TRAF1: variants seen among roughly 807,000 people sequenced by gnomAD.
TRAF1 encodes TNF receptor-associated factor 1.
In TRAF1, 23 loss-of-function variants were observed where a neutral mutation model predicts 40.9. That is an observed-to-expected ratio of 0.56 (90% CI 0.40 to 0.80). The LOEUF is 0.80. Ranked by LOEUF, TRAF1 falls within the 30% of genes least tolerant of loss-of-function variation. TRAF1 has a pLI of 0.00. For missense variants in TRAF1, 477 were observed against 528.7 expected (o/e 0.90, Z 0.96); for synonymous variants, 206 against 218.8 (o/e 0.94, Z 0.52).
chr9:120,913,672 C>A lies in TRAF1; in HGVS notation c.361G>T (p.Gly121Trp). 2 of 1,612,570 alleles carry A rather than the reference C, an allele frequency of 1.2e-6. 1 individual carries two copies. The highest frequency in any genetic ancestry group is 2.2e-5 in the South Asian group (2 of 90,960). Reference sequence around the variant, plus strand: ...CGGGCCTTCCACTGTTTCATGAACCCCAACAGCAGGTTTAGGTGGGAGGTC... The same window carrying A: ...CGGGCCTTCCACTGTTTCATGAACCACAACAGCAGGTTTAGGTGGGAGGTC... ...SQTSHLNLLL[G>W]FMKQWKARLG... The change falls in exon 5 of 8, where the codon GGG becomes TGG. Residue 121 changes from glycine (G) to tryptophan (W), a missense_variant. Coordinates refer to ENST00000373887, the MANE Select transcript of TRAF1 (RefSeq NM_005658.5).
chr9:120,909,475 A>T (rs1253987302), intron 6 of TRAF1, 97 bp from the exon 7 acceptor site: 2 of 1,444,668 alleles, frequency 1.4e-6, no homozygotes, highest in Non-Finnish European at 1.9e-6. Flanking sequence ...CAGCGGCTCA[A>T]AACCATGAAA....
chr9:120,909,596 C>T (rs937868080), intron 6 of TRAF1, among the ~76,000 whole-genome samples: 5 of 152,158 alleles, frequency 3.3e-5, no homozygotes, highest in Non-Finnish European at 4.4e-5. Context: ...CATACACTGC[C>T]GGGCCCCACC....
intron 5 of TRAF1, among the ~76,000 whole-genome samples, chr9:120,912,479 A>G (rs371638500): frequency 1.8e-4 from 27 of 152,068 alleles, no homozygotes; most frequent in African/African-American, 6.5e-4. Flanking sequence ...ACATGGTGAA[A>G]CCCCATCTCT....
At chr9:120,916,791 G>C (rs769347107) in intron 3 of TRAF1, among the ~76,000 whole-genome samples, 6 of 152,084 alleles carry the variant, frequency 3.9e-5, no homozygotes, top group Non-Finnish European at 8.8e-5. Context: ...CCTTGGCAGG[G>C]AGACCGTGCT....
chr9:120,924,626 G>A (rs1480726099), intron 2 of TRAF1, among the ~76,000 whole-genome samples: 1 of 152,154 alleles, frequency 6.6e-6, no homozygotes, highest in East Asian at 1.9e-4. Context: ...TGTTGGCCAG[G>A]CTGGTCTCAA....
At position 120,926,009 on chromosome 9, in the gene TRAF1, G is replaced by A. The variant is rs756315273; in HGVS notation, c.67C>T (p.Pro23Ser). The A allele has an allele frequency of 4.3e-6, 7 of 1,613,004 alleles. No homozygotes were observed. The South Asian group carries it at 7.7e-5, about 18-fold the overall frequency. ...TTTGGGTCCTGGCAGACGGTGGGAG[G>A]GCACCCAAAGGGAAACTCATTCTCA... ...PDENEFPFGC[P>S]PTVCQDPKEP... The change falls in exon 2 of 8, where the codon CCT (proline) becomes TCT (serine). Residue 23 changes from proline to serine, a missense_variant. By Grantham distance (74) the Pro-to-Ser change is moderately conservative. Transcript: ENST00000373887.
intron 7 of TRAF1, among the ~76,000 whole-genome samples, chr9:120,906,473 C>T (rs983886675): frequency 6.6e-6 from 1 of 152,136 alleles, no homozygotes; most frequent in South Asian, 2.1e-4. Context: ...GCCACCATAC[C>T]CGGCAAAGAA....
In TRAF1 at chr9:120,918,702, T is replaced by C. The variant is rs932058753; in HGVS notation, c.229-4402A>G. Among the ~76,000 whole-genome samples, 3 of 152,232 alleles carry C rather than the reference T, an allele frequency of 2.0e-5. No individual in the cohort carries two copies. In the East Asian group the frequency reaches 5.8e-4, roughly 29 times the overall value. On this transcript the variant is annotated intron_variant, in intron 3 of 7. Coordinates refer to ENST00000373887, the MANE Select transcript of TRAF1 (RefSeq NM_005658.5). ...CCATAGGATCCCTGTGACAATCATC[T>C]GAGGCAGGTGGGGCTGTATTAGAGT...
At chr9:120,921,868 C>T (rs536063196) in intron 3 of TRAF1, among the ~76,000 whole-genome samples, 8 of 152,288 alleles carry the variant, frequency 5.3e-5, no homozygotes, top group African/African-American at 1.4e-4. Context: ...CACTCGCCTG[C>T]CTCTGGTCCA....
intron 3 of TRAF1, among the ~76,000 whole-genome samples, chr9:120,915,741 G>A (rs2046564889): frequency 6.6e-6 from 1 of 151,988 alleles, no homozygotes; most frequent in Non-Finnish European, 1.5e-5. Context: ...GGCTGAGGTG[G>A]GAGGATCGCT....
At chr9:120,918,295 A>G (rs1323506557) in intron 3 of TRAF1, among the ~76,000 whole-genome samples, 1 of 152,076 alleles carries the variant, frequency 6.6e-6, no homozygotes, top group African/African-American at 2.4e-5. Flanking sequence ...TCTGCCTAAC[A>G]CAGTGTTCAA....
At position 120,925,931 on chromosome 9, in the gene TRAF1, C is replaced by T; in HGVS notation, c.140+5G>A. On this transcript the variant is annotated splice_donor_5th_base_variant and intron_variant, in intron 2 of 7. Transcript: ENST00000373887. ...TGCCCACCCTCCGCTCCTCCATCAC[C>T]TCACCTCGGGTTCTCAGAGAGACAG... The T allele has an allele frequency of 6.2e-7, 1 of 1,613,948 alleles. No homozygotes were observed. The highest frequency in any genetic ancestry group is 8.5e-7 in the Non-Finnish European group (1 of 1,179,930).
intron 6 of TRAF1, 60 bp downstream of exon 6, chr9:120,911,276 T>C (rs952265084): frequency 1.9e-5 from 29 of 1,563,258 alleles, no homozygotes; most frequent in Non-Finnish European, 2.4e-5. Context: ...ACTGCTTGCT[T>C]CCTGGGTCCT....
intron 5 of TRAF1, among the ~76,000 whole-genome samples, chr9:120,912,253 G>C (rs1192500185): frequency 6.6e-6 from 1 of 152,182 alleles, no homozygotes; most frequent in Non-Finnish European, 1.5e-5. Flanking sequence ...TGGTGAGGCA[G>C]ATAATGGTAA....
chr9:120,921,860 C>T (rs749501942), intron 3 of TRAF1, among the ~76,000 whole-genome samples: 1 of 152,308 alleles, frequency 6.6e-6, no homozygotes, highest in Non-Finnish European at 1.5e-5. Context: ...GGTGTGGACA[C>T]TCGCCTGCCT....
At chr9:120,910,566 A>T (rs577517187) in intron 6 of TRAF1, among the ~76,000 whole-genome samples, 4 of 152,142 alleles carry the variant, frequency 2.6e-5, no homozygotes, top group Middle Eastern at 3.4e-3. Context: ...TGGCTAATTT[A>T]AAAAAAATTT....
chr9:120,918,012 T>G (rs1412335377), intron 3 of TRAF1, among the ~76,000 whole-genome samples: 1 of 152,058 alleles, frequency 6.6e-6, no homozygotes, highest in African/African-American at 2.4e-5. Context: ...GGTATCCTTT[T>G]AGGAAGGGGA....
chr9:120,928,903 G>A (rs2046657740), upstream of TRAF1: 1 of 152,372 alleles, frequency 6.6e-6, no homozygotes, highest in Admixed American at 6.5e-5. Flanking sequence ...CCCGCGGAAA[G>A]AGGAATGAGC....
intron 6 of TRAF1, among the ~76,000 whole-genome samples, chr9:120,909,821 G>T (rs942731221): frequency 9.2e-5 from 14 of 152,304 alleles, no homozygotes; most frequent in African/African-American, 3.4e-4. Flanking sequence ...AAGAATGAGG[G>T]GCCAGGCTTC....
Sources: gnomAD v4.1 joint callset for allele counts (sites outside exome capture counted in the v4.1 genomes callset) on GRCh38, gnomAD v4.1.1 for gene constraint, MANE v1.5 for transcripts, NCBI Gene and HGNC (gene_info 2026-07-23, HGNC 2026-07-21) for gene names.